Variants in SUPT3H observed in about 807,000 individuals in gnomAD.
SUPT3H encodes the protein transcription initiation protein SPT3 homolog.
A neutral mutation model predicts 44.3 loss-of-function variants in SUPT3H; 44 were observed. The ratio of observed to expected loss-of-function variants is 0.99; its 90% confidence interval spans 0.78 to 1.28. The LOEUF is 1.28. Ranked by LOEUF, SUPT3H falls within the 50% of genes most tolerant of loss-of-function variation. The probability of loss-of-function intolerance (pLI) is 0.00; values close to 1 mark genes in which losing one functional copy is unlikely to be tolerated. For missense variants in SUPT3H, 380 were observed against 387.1 expected, an observed-to-expected ratio of 0.98 and a Z score of 0.15; for synonymous variants, 124 against 125.6, an observed-to-expected ratio of 0.99 and a Z score of 0.09.
intron 2 of SUPT3H, chr6:45,159,263 T>C (rs1808534511): frequency 6.6e-6 from 1 of 152,220 alleles, no homozygotes; most frequent in South Asian, 2.1e-4. Flanking sequence ...ATGACATTGA[T>C]TCCACCTCTA....
At chr6:45,312,476 C>G (rs189018752) in intron 2 of SUPT3H, among the ~76,000 whole-genome samples, 2 of 146,404 alleles carry the variant, frequency 1.4e-5, no homozygotes, top group Admixed American at 1.4e-4. Context: ...GATCGTGCCA[C>G]TGCACTCCAG....
intron 2 of SUPT3H, among the ~76,000 whole-genome samples, chr6:45,180,007 A>G (rs1339689865): frequency 6.6e-6 from 1 of 152,068 alleles, no homozygotes; most frequent in East Asian, 1.9e-4. Flanking sequence ...CTGATAAGCA[A>G]CTTCAGCAAA....
At chr6:45,283,347 C>T (rs984761736) in intron 2 of SUPT3H, among the ~76,000 whole-genome samples, 8 of 152,204 alleles carry the variant, frequency 5.3e-5, no homozygotes, top group African/African-American at 1.7e-4. Flanking sequence ...ACCCACCTCA[C>T]GTGCAGAGAC....
chr6:44,914,536 C>T (rs1767524015), intron 10 of SUPT3H, among the ~76,000 whole-genome samples: 1 of 152,156 alleles, frequency 6.6e-6, no homozygotes, highest in South Asian at 2.1e-4. Flanking sequence ...AATGATCAAT[C>T]CTGGACAGTA....
At chr6:45,257,058 G>A (rs879413504) in intron 2 of SUPT3H, among the ~76,000 whole-genome samples, 6 of 152,178 alleles carry the variant, frequency 3.9e-5, no homozygotes, top group African/African-American at 9.7e-5. Context: ...CTTACTAGCA[G>A]TGTATGAGGG....
chr6:45,268,917 A>G (rs10948220), intron 2 of SUPT3H, among the ~76,000 whole-genome samples: 34,530 of 152,094 alleles, frequency 0.23, 4,596 homozygotes, highest in Non-Finnish European at 0.31. Flanking sequence ...ATGAAGCACA[A>G]CAATTCATCA....
intron 2 of SUPT3H, among the ~76,000 whole-genome samples, chr6:45,178,807 G>A (rs1389363840): frequency 1.3e-5 from 2 of 152,118 alleles, no homozygotes; most frequent in African/African-American, 4.8e-5. Context: ...ACCTGCTCCT[G>A]AATGACTACT....
At chr6:45,128,420 G>A (rs1295334062) in intron 2 of SUPT3H, among the ~76,000 whole-genome samples, 1 of 141,540 alleles carries the variant, frequency 7.1e-6, no homozygotes. Context: ...CAGGGGAATC[G>A]CTTGAACCCA....
chr6:45,187,564 G>T (rs902438597), intron 2 of SUPT3H, among the ~76,000 whole-genome samples: 1 of 152,108 alleles, frequency 6.6e-6, no homozygotes, highest in African/African-American at 2.4e-5. Flanking sequence ...CCTCAGCCAT[G>T]AACCTAAGAT....
intron 10 of SUPT3H, among the ~76,000 whole-genome samples, chr6:44,910,857 T>C (rs1766909535): frequency 6.6e-6 from 1 of 151,662 alleles, no homozygotes; most frequent in African/African-American, 2.4e-5. Context: ...TAGCCAGGTA[T>C]GATGGCAGGT....
At chr6:44,930,755 C>T (rs904073787) in intron 10 of SUPT3H, among the ~76,000 whole-genome samples, 2 of 152,044 alleles carry the variant, frequency 1.3e-5, no homozygotes, top group South Asian at 4.1e-4. Context: ...GTTCTACTAG[C>T]GGCTAACTGA....
chr6:44,950,482 T>C (rs569129524), intron 9 of SUPT3H, among the ~76,000 whole-genome samples: 3 of 152,282 alleles, frequency 2.0e-5, no homozygotes, highest in African/African-American at 4.8e-5. Flanking sequence ...AGCATAGTGG[T>C]GTGCCTGTAG....
At chr6:45,265,647 G>T (rs549088246) in intron 2 of SUPT3H, among the ~76,000 whole-genome samples, 2 of 151,938 alleles carry the variant, frequency 1.3e-5, no homozygotes, top group African/African-American at 4.8e-5. Flanking sequence ...CCAAAGTAGG[G>T]TTTTTACTTT....
At chr6:44,810,537 G>A (rs1194337332) in intron 11 of SUPT3H, among the ~76,000 whole-genome samples, 1 of 150,072 alleles carries the variant, frequency 6.7e-6, no homozygotes, top group African/African-American at 2.5e-5. Context: ...GTGTGACTCA[G>A]AGAAAAGAGG....
At chr6:44,881,833 C>T (rs1401960210) in intron 10 of SUPT3H, among the ~76,000 whole-genome samples, 1 of 152,040 alleles carries the variant, frequency 6.6e-6, no homozygotes, top group African/African-American at 2.4e-5. Flanking sequence ...TTCTTCGAAG[C>T]CAATGAGAAC....
At chr6:45,113,708 T>C (rs975791096) in intron 2 of SUPT3H, among the ~76,000 whole-genome samples, 4 of 151,386 alleles carry the variant, frequency 2.6e-5, no homozygotes, top group Admixed American at 1.3e-4. Context: ...CGCATGCCTG[T>C]AACCCCAGCT....
chr6:45,323,045 G>T, intron 2 of SUPT3H: 1 of 864,844 alleles, frequency 1.2e-6, no homozygotes. Flanking sequence ...TGATATTCAT[G>T]TTTAAATTAT....
chr6:45,083,913 A>AT (rs1315024401), intron 3 of SUPT3H, among the ~76,000 whole-genome samples: 1 of 152,202 alleles, frequency 6.6e-6, no homozygotes, highest in African/African-American at 2.4e-5. Context: ...GGATACATTT[A>AT]GCTAGCTAGC....
At chr6:44,970,610 T>TA (rs1333367276) in intron 6 of SUPT3H, among the ~76,000 whole-genome samples, 1 of 151,880 alleles carries the variant, frequency 6.6e-6, no homozygotes, top group African/African-American at 2.4e-5. Context: ...TGGCTATATA[T>TA]AAAAAAGTGA....
Sources: allele counts gnomAD v4.1 joint callset (sites outside exome capture counted in the v4.1 genomes callset), GRCh38; gene constraint gnomAD v4.1.1; transcripts MANE v1.5; gene names NCBI Gene and HGNC (gene_info 2026-07-23, HGNC 2026-07-21).